The following ZNF366 variants were observed in gnomAD, a reference collection of about 807,000 sequenced individuals.
The protein encoded by ZNF366 is dendritic cell-specific transcript protein.
Under a neutral mutation model 47.2 loss-of-function variants are expected in ZNF366, and 20 were observed. The ratio of observed to expected loss-of-function variants is 0.42; its 90% CI spans 0.30 to 0.62. The LOEUF (loss-of-function observed/expected upper bound fraction) is 0.62. ZNF366 is among the 20% of genes least tolerant of loss of function. The probability of loss-of-function intolerance (pLI) is 0.16; values close to 1 mark genes in which losing one functional copy is unlikely to be tolerated. For synonymous variants in ZNF366, 421 were observed against 395.1 expected (o/e 1.07, Z -0.78); for missense variants, 987 against 976.3 (o/e 1.01, Z -0.15).
At position 72,498,347 on chromosome 5, in the gene ZNF366, G is replaced by A. The variant is rs769765883; in HGVS notation, c.-15+8904C>T. On this transcript the variant is annotated intron_variant, in intron 1 of 4. Coordinates refer to ENST00000318442, the MANE Select transcript of ZNF366 (RefSeq NM_152625.3). ...TTAATTACATAATTCAACTTTCTCC[G>A]CTGATATACATGTTATTTTTATCAT... is the stretch of plus-strand genomic sequence containing the variant. Among the ~76,000 whole-genome samples, 36 of 152,074 alleles carry A rather than the reference G, an allele frequency of 2.4e-4. 1 individual carries two copies. The South Asian group carries it at 2.9e-3, about 12-fold the overall frequency.
chr5:72,504,364 A>T (rs1744278750), intron 1 of ZNF366, among the ~76,000 whole-genome samples: 1 of 152,190 alleles, frequency 6.6e-6, no homozygotes, highest in East Asian at 1.9e-4. Context: ...CAGTTGGGGA[A>T]GTGGGTGAAA....
intron 4 of ZNF366, among the ~76,000 whole-genome samples, chr5:72,445,873 AT>A (rs1402177954): frequency 6.6e-6 from 1 of 152,118 alleles, no homozygotes; most frequent in Non-Finnish European, 1.5e-5. Context: ...TTTAACTACA[AT>A]TTTTTTCAGG....
chr5:72,452,749 A>T (rs1377605764), intron 3 of ZNF366, among the ~76,000 whole-genome samples: 5 of 152,218 alleles, frequency 3.3e-5, no homozygotes, highest in Non-Finnish European at 7.3e-5. Context: ...TCAAAAGAGA[A>T]TTTGTCCCGG....
At position 72,461,286 on chromosome 5, in the gene ZNF366, A is replaced by G; in HGVS notation, c.211T>C (p.Phe71Leu). ...CGTTTCCTAGACCCTGCTCCTTCGA[A>G]GACCCCGGGGAACCCATCTAGGTCT... ...PGDLDGFPGV[F>L]EGAGSRKRKS... The change falls in exon 2 of 5, where the codon TTC becomes CTC. Residue 71 changes from phenylalanine (F) to leucine (L), a missense_variant. This residue lies in a region of ZNF366 where 591 missense variants were observed against 560.9 expected (regional missense o/e 1.05). Transcript: ENST00000318442. 6.2e-7 allele frequency: 1 copy of G among 1,614,032 alleles called. No individual in the cohort carries two copies. Among genetic ancestry groups the G allele is most frequent in the East Asian group, 2.2e-5 (1 of 44,842 alleles).
intron 1 of ZNF366, among the ~76,000 whole-genome samples, chr5:72,487,053 G>A (rs975949618): frequency 2.0e-5 from 3 of 152,192 alleles, no homozygotes; most frequent in Non-Finnish European, 4.4e-5. Flanking sequence ...GGGATTACAG[G>A]CATGAGCCAC....
At position 72,486,807 on chromosome 5, in the gene ZNF366, A is replaced by G. The variant is rs372966924; in HGVS notation, c.-15+20444T>C. ...TTTCTTTTTTTTTTTAGATGGAGTC[A>G]CTCTGTCACCTAGGCTGGAGTGCAA... is the stretch of plus-strand genomic sequence containing the variant. On this transcript the variant is annotated intron_variant, in intron 1 of 4. Coordinates refer to ENST00000318442, the MANE Select transcript of ZNF366 (RefSeq NM_152625.3). Among the ~76,000 whole-genome samples the G allele has an allele frequency of 4.6e-5, 7 of 150,890 alleles. No homozygotes were observed. In the East Asian group the frequency reaches 1.4e-3, roughly 29 times the overall value.
intron 1 of ZNF366, among the ~76,000 whole-genome samples, chr5:72,479,436 G>T (rs1390608729): frequency 2.0e-5 from 3 of 151,516 alleles, no homozygotes; most frequent in Admixed American, 1.3e-4. Context: ...ATTAAAAAAA[G>T]AAAAATAAAA....
chr5:72,447,328 G>A lies in ZNF366; in HGVS notation c.1614C>T (p.Cys538=). The A allele has an allele frequency of 6.2e-7, 1 of 1,614,172 alleles. No homozygotes were observed. Among genetic ancestry groups the A allele is most frequent in the Non-Finnish European group, 8.5e-7 (1 of 1,180,034 alleles). Residue 538 remains cysteine, a synonymous_variant, in exon 4 of 5, where the codon TGC becomes TGT. Transcript: ENST00000318442. ...SDSKPFKCLY[C]PSKFTLKGNL... ...TCCCCTTCAGGGTGAATTTGCTTGG[G>A]CAATAGAGGCACTTGAAGGGTTTGC...
intron 1 of ZNF366, among the ~76,000 whole-genome samples, chr5:72,484,490 A>AAC (rs1489090254): frequency 6.7e-6 from 1 of 149,946 alleles, no homozygotes; most frequent in Non-Finnish European, 1.5e-5. Flanking sequence ...TCTCAAAAAA[A>AAC]AAAAAAATAA....
intron 1 of ZNF366, among the ~76,000 whole-genome samples, chr5:72,474,652 GCACACACACA>G (rs60932161): frequency 6.8e-6 from 1 of 147,072 alleles, no homozygotes; most frequent in African/African-American, 2.5e-5. Context: ...GTACACCCAT[GCACACACACA>G]CACACACACA....
intron 3 of ZNF366, among the ~76,000 whole-genome samples, chr5:72,449,320 A>G (rs1430077859): frequency 6.8e-6 from 1 of 147,676 alleles, no homozygotes; most frequent in Non-Finnish European, 1.5e-5. Context: ...ACCTTGGCTC[A>G]CTGCAGCCTC....
chr5:72,504,924 C>T (rs1425604402), intron 1 of ZNF366, among the ~76,000 whole-genome samples: 1 of 152,180 alleles, frequency 6.6e-6, no homozygotes, highest in African/African-American at 2.4e-5. Context: ...CCCCGAGGCC[C>T]ATAAACAGTA....
chr5:72,496,674 A>G (rs1298448649), intron 1 of ZNF366, among the ~76,000 whole-genome samples: 1 of 152,156 alleles, frequency 6.6e-6, no homozygotes, highest in Non-Finnish European at 1.5e-5. Flanking sequence ...GCTGGGTTGT[A>G]TGGTAAGCAT....
intron 1 of ZNF366, among the ~76,000 whole-genome samples, chr5:72,482,743 A>ATT (rs1450614970): frequency 1.0e-5 from 1 of 96,380 alleles, no homozygotes; most frequent in Non-Finnish European, 2.0e-5. Context: ...TTGCATTTCT[A>ATT]TTTTGTGTGT....
intron 1 of ZNF366, among the ~76,000 whole-genome samples, chr5:72,463,837 C>A (rs1447626251): frequency 6.6e-6 from 1 of 152,154 alleles, no homozygotes; most frequent in African/African-American, 2.4e-5. Flanking sequence ...AGGGTGTGGC[C>A]CTGGCCCAAG....
chr5:72,460,789 C>T lies in ZNF366; in HGVS notation c.708G>A (p.Val236=). ...CCACGTAGTAGCTGTCATCGATCTG[C>T]ACGTTCACGTCCACCCTCTCCACCT... The part of the protein sequence containing the change: ...KQKVERVDVN[V]QIDDSYYVDV... Residue 236 remains valine, a synonymous_variant, in exon 2 of 5, where the codon GTG becomes GTA. Transcript: ENST00000318442. 1 of 1,614,242 alleles carries T rather than the reference C, an allele frequency of 6.2e-7. No homozygotes were observed. The highest frequency in any genetic ancestry group is 8.5e-7 in the Non-Finnish European group (1 of 1,180,052).
intron 3 of ZNF366, among the ~76,000 whole-genome samples, chr5:72,450,689 G>GGGGA (rs1373196910): frequency 6.6e-6 from 1 of 152,118 alleles, no homozygotes. Flanking sequence ...TGGGCGGTAG[G>GGGGA]TACTTAGCTT....
At position 72,461,160 on chromosome 5, in the gene ZNF366, G is replaced by C. The variant is rs1362516598; in HGVS notation, c.337C>G (p.Pro113Ala). 5 of 1,614,178 alleles carry C rather than the reference G, an allele frequency of 3.1e-6. No homozygotes were observed. Among genetic ancestry groups the C allele is most frequent in the Middle Eastern group, 1.6e-4 (1 of 6,062 alleles). The change falls in exon 2 of 5, where the codon CCT becomes GCT. Residue 113 changes from proline (P) to alanine (A), a missense_variant. Physicochemically the swap from Pro to Ala is conservative, Grantham distance 27. Around this residue, in one of 3 missense-constraint regions of ZNF366, gnomAD observed 591 missense variants for 560.9 expected, o/e 1.05. Coordinates refer to ENST00000318442, the MANE Select transcript of ZNF366 (RefSeq NM_152625.3). ...ENKNHGLPNLPLLFPQPPRPK... is the reference protein window; with the variant it reads ...ENKNHGLPNLALLFPQPPRPK... ...CGCGGGGGCTGCGGGAACAGCAAAG[G>C]GAGGTTGGGAAGGCCGTGGTTTTTG...
intron 1 of ZNF366, among the ~76,000 whole-genome samples, chr5:72,491,946 T>C (rs1409753815): frequency 6.6e-6 from 1 of 152,194 alleles, no homozygotes; most frequent in Non-Finnish European, 1.5e-5. Context: ...CCAAAACCCC[T>C]GGGATGGTGG....
Sources: allele counts gnomAD v4.1 joint callset (sites outside exome capture counted in the v4.1 genomes callset), GRCh38; gene constraint gnomAD v4.1.1; regional missense constraint gnomAD v4.1.1; transcripts MANE v1.5; gene names NCBI Gene and HGNC (gene_info 2026-07-23, HGNC 2026-07-21).